The following SUGCT variants were observed in gnomAD, a reference collection of about 807,000 sequenced individuals.
The protein encoded by SUGCT is succinyl-CoA:glutarate-CoA transferase.
A neutral mutation model predicts 55.0 loss-of-function variants in SUGCT; 41 were observed. The ratio of observed to expected loss-of-function variants is 0.74; its 90% CI spans 0.58 to 0.97. The LOEUF (loss-of-function observed/expected upper bound fraction) is 0.97. Among genes scored for constraint, SUGCT ranks in the 50% least tolerant of loss-of-function variants. SUGCT has a pLI of 0.00. For synonymous variants in SUGCT, 187 were observed against 200.4 expected, an observed-to-expected ratio of 0.93 and a Z score of 0.56; for missense variants, 568 against 547.8, an observed-to-expected ratio of 1.04 and a Z score of -0.37.
At position 40,274,644 on chromosome 7, in the gene SUGCT, A is replaced by C. The variant is rs4637704; in HGVS notation, c.708A>C (p.Leu236=). Reference sequence around the variant, plus strand: ...AAGGACTGTTCATTGATTGTAACCTACTGTCATCCCAGGTAACAATCCAAC... The same window carrying C: ...AAGGACTGTTCATTGATTGTAACCTCCTGTCATCCCAGGTAACAATCCAAC... ...TGKGLFIDCN[L]LSSQVACLSH... is the part of the protein sequence containing the mutation. The change falls in exon 8 of 14, where the codon CTA becomes CTC. Residue 236 remains leucine (L), a synonymous_variant. Transcript: ENST00000335693. 1.2e-6 allele frequency: 2 copies of C among 1,612,960 alleles called. No individual in the cohort carries two copies. Among genetic ancestry groups the C allele is most frequent in the East Asian group, 2.2e-5 (1 of 44,824 alleles).
chr7:40,810,092 G>A (rs1402915750), intron 13 of SUGCT, among the ~76,000 whole-genome samples: 1 of 151,780 alleles, frequency 6.6e-6, no homozygotes, highest in Non-Finnish European at 1.5e-5. Flanking sequence ...ATGAACATAT[G>A]AGCACATCTG....
intron 13 of SUGCT, among the ~76,000 whole-genome samples, chr7:40,820,372 C>T (rs956601891): frequency 3.9e-4 from 59 of 152,162 alleles, no homozygotes; most frequent in Non-Finnish European, 6.5e-4. Context: ...GCCATTTTCA[C>T]GATATTGATT....
intron 11 of SUGCT, among the ~76,000 whole-genome samples, chr7:40,483,263 T>C (rs1249298340): frequency 2.0e-5 from 3 of 152,170 alleles, no homozygotes; most frequent in Non-Finnish European, 4.4e-5. Context: ...GGACATTTCG[T>C]ATAGGTAATG....
At position 40,191,989 on chromosome 7, in the gene SUGCT, T is replaced by C. The variant is rs921435017; in HGVS notation, c.363+2395T>C. Among the ~76,000 whole-genome samples, 3 of 150,714 alleles carry C rather than the reference T, an allele frequency of 2.0e-5. No homozygotes were observed. In the South Asian group the frequency reaches 6.3e-4, roughly 32 times the overall value. Reference sequence around the variant, plus strand: ...TGGGCGTGTTGGTGCGTGCCTGTAGTCCCAGCTACTTGGGAGGCTGAGGCA... The same window carrying C: ...TGGGCGTGTTGGTGCGTGCCTGTAGCCCCAGCTACTTGGGAGGCTGAGGCA... On this transcript the variant is annotated intron_variant, in intron 5 of 13. Coordinates refer to ENST00000335693, the MANE Select transcript of SUGCT (RefSeq NM_001193313.2).
At chr7:40,200,472 A>G (rs1786530253) in intron 6 of SUGCT, among the ~76,000 whole-genome samples, 1 of 152,078 alleles carries the variant, frequency 6.6e-6, no homozygotes, top group African/African-American at 2.4e-5. Context: ...CTGAAGGATG[A>G]CAAGGAGCCA....
chr7:40,871,049 C>T, the SUGCT span, among the ~76,000 whole-genome samples: 1 of 152,070 alleles, frequency 6.6e-6, no homozygotes, highest in Non-Finnish European at 1.5e-5. Context: ...TCCAAAAAGC[C>T]CTTGTTCCTT....
rs561054886 is a variant in SUGCT at position 40,149,390 on chromosome 7, C to G, written c.100+14270C>G. ...TTTAGGAGAAACTTAGTTTATAGTTCATAGTTTAAACAAAGACTGTAACAG... is the reference window on the plus strand; with the variant it reads ...TTTAGGAGAAACTTAGTTTATAGTTGATAGTTTAAACAAAGACTGTAACAG... On this transcript the variant is annotated intron_variant, in intron 1 of 13. Transcript: ENST00000335693. 5.9e-5 allele frequency among the ~76,000 whole-genome samples: 9 copies of G among 152,290 alleles called. No homozygotes were observed. In the South Asian group the frequency reaches 1.9e-3, roughly 32 times the overall value.
intron 13 of SUGCT, among the ~76,000 whole-genome samples, chr7:40,825,415 A>T (rs1044174967): frequency 1.3e-5 from 2 of 152,142 alleles, no homozygotes; most frequent in African/African-American, 4.8e-5. Flanking sequence ...GAGAGTTTGA[A>T]TATTTGTGTC....
chr7:40,620,557 C>T (rs974991118), intron 12 of SUGCT, among the ~76,000 whole-genome samples: 2 of 152,078 alleles, frequency 1.3e-5, no homozygotes, highest in African/African-American at 4.8e-5. Context: ...CACCTGCCAC[C>T]GTGCCCAGCT....
At chr7:40,623,468 C>A (rs899515953) in intron 12 of SUGCT, among the ~76,000 whole-genome samples, 3 of 152,090 alleles carry the variant, frequency 2.0e-5, no homozygotes, top group Non-Finnish European at 4.4e-5. Context: ...CTGTATTCTA[C>A]AAGTACAATT....
chr7:40,890,028 A>G, the SUGCT span, among the ~76,000 whole-genome samples: 2 of 151,884 alleles, frequency 1.3e-5, no homozygotes, highest in African/African-American at 4.8e-5. Context: ...CAGTGACAGC[A>G]TATCTGACAT....
intron 9 of SUGCT, among the ~76,000 whole-genome samples, chr7:40,336,231 A>C (rs1478478898): frequency 6.6e-6 from 1 of 152,148 alleles, no homozygotes; most frequent in African/African-American, 2.4e-5. Flanking sequence ...TATCTCTGCC[A>C]GGCTTTGATA....
downstream of SUGCT, among the ~76,000 whole-genome samples, chr7:40,861,937 G>C (rs1210350225): frequency 1.3e-5 from 2 of 152,210 alleles, no homozygotes; most frequent in Non-Finnish European, 2.9e-5. Flanking sequence ...TGCATACTCA[G>C]AGACATTTAC....
chr7:40,733,452 T>G (rs1787000268), intron 12 of SUGCT, among the ~76,000 whole-genome samples: 1 of 152,170 alleles, frequency 6.6e-6, no homozygotes, highest in African/African-American at 2.4e-5. Flanking sequence ...AGCAAAGTAT[T>G]TCCCCATCCA....
At chr7:40,269,191 A>T (rs1347719123) in intron 7 of SUGCT, among the ~76,000 whole-genome samples, 3 of 152,146 alleles carry the variant, frequency 2.0e-5, no homozygotes, top group Non-Finnish European at 4.4e-5. Flanking sequence ...CATTTCTCTG[A>T]CAACTAATGA....
At chr7:40,628,993 C>G (rs78834953) in intron 12 of SUGCT, among the ~76,000 whole-genome samples, 1 of 152,140 alleles carries the variant, frequency 6.6e-6, no homozygotes, top group African/African-American at 2.4e-5. Flanking sequence ...AGGATTTACT[C>G]TGTTTCAGCA....
intron 13 of SUGCT, among the ~76,000 whole-genome samples, chr7:40,831,589 A>G (rs983415821): frequency 1.3e-5 from 2 of 152,230 alleles, no homozygotes; most frequent in Non-Finnish European, 2.9e-5. Flanking sequence ...GAAGCCCTAT[A>G]TAATGCAGAT....
chr7:40,332,582 G>T (rs1796383032), intron 9 of SUGCT, among the ~76,000 whole-genome samples: 1 of 151,552 alleles, frequency 6.6e-6, no homozygotes. Flanking sequence ...TGTTTCCATT[G>T]TAGGAATCAA....
chr7:40,462,420 A>G (rs1789852282), intron 11 of SUGCT, among the ~76,000 whole-genome samples: 2 of 151,356 alleles, frequency 1.3e-5, no homozygotes, highest in Non-Finnish European at 2.9e-5. Context: ...TTTATGACAA[A>G]GTAGTTTCTT....
Sources: gnomAD v4.1 joint callset for allele counts (sites outside exome capture counted in the v4.1 genomes callset) on GRCh38, gnomAD v4.1.1 for gene constraint, MANE v1.5 for transcripts, NCBI Gene and HGNC (gene_info 2026-07-23, HGNC 2026-07-21) for gene names.